The following SPTA1 variants were observed in gnomAD, a reference collection of about 807,000 sequenced individuals.
The protein encoded by SPTA1 is spectrin alpha, erythrocytic 1.
A neutral mutation model predicts 324.7 loss-of-function variants in SPTA1; 177 were observed. That is an observed-to-expected ratio of 0.55 (90% CI 0.48 to 0.62). SPTA1 has a LOEUF of 0.62. SPTA1 is among the 20% of genes least tolerant of loss of function. SPTA1 has a pLI of 0.00. For synonymous variants in SPTA1, 1,195 were observed against 1,041.3 expected (o/e 1.15, Z -2.84); for missense variants, 3,162 against 2,883.6 (o/e 1.10, Z -2.21).
chr1:158,634,139 A>G (rs1442346955), intron 39 of SPTA1, among the ~76,000 whole-genome samples: 1 of 152,206 alleles, frequency 6.6e-6, no homozygotes, highest in Non-Finnish European at 1.5e-5. Flanking sequence ...CTAAAATTAT[A>G]TTTTGTTGAA....
intron 37 of SPTA1, 142 bp downstream of exon 37, chr1:158,636,499 A>T (rs1651080823): frequency 8.2e-6 from 8 of 973,048 alleles, no homozygotes; most frequent in South Asian, 7.1e-5. Context: ...AAGAGAAAAG[A>T]ATATTTGTAA....
chr1:158,643,264 A>C, intron 31 of SPTA1, 58 bp downstream of exon 31: 1 of 1,594,342 alleles, frequency 6.3e-7, no homozygotes, highest in Middle Eastern at 1.7e-4. Flanking sequence ...CAATGCTAGC[A>C]AAAAGGTCAG....
rs148064417 is a variant in SPTA1 at position 158,654,733 on chromosome 1, G to C, written c.2914C>G (p.Pro972Ala). The C allele has an allele frequency of 1.2e-6, 2 of 1,613,742 alleles. No homozygotes were observed. The highest frequency in any genetic ancestry group is 1.3e-5 in the African/African-American group (1 of 74,996). ...ANACQQQQAA[P>A]VEGVAGEQRV... Reference sequence around the variant, plus strand: ...TGTTCTCCAGCAACTCCCTCCACTGGTGCAGCCTGTTGTTGCTGAATAAAA... The same window carrying C: ...TGTTCTCCAGCAACTCCCTCCACTGCTGCAGCCTGTTGTTGCTGAATAAAA... Residue 972 changes from proline to alanine, a missense_variant, in exon 21 of 52, where the codon CCA becomes GCA. Transcript: ENST00000643759.
In SPTA1 at chr1:158,638,021, G is replaced by T; in HGVS notation, c.5189+12C>A. 1 of 1,612,964 alleles carries T rather than the reference G, an allele frequency of 6.2e-7. No individual in the cohort carries two copies. On this transcript the variant is annotated intron_variant, in intron 36 of 51. Transcript: ENST00000643759. ...TGTATTATCCACACATTTTTGAGCT[G>T]GTGGCACATACTCTATCCAGGATTC... is the stretch of plus-strand genomic sequence containing the variant.
intron 2 of SPTA1, among the ~76,000 whole-genome samples, chr1:158,684,331 A>T (rs1305032458): frequency 1.3e-5 from 2 of 152,092 alleles, no homozygotes; most frequent in East Asian, 3.9e-4. Flanking sequence ...GTTAACTCTT[A>T]TATTTCTGAG....
chr1:158,674,223 A>G, intron 10 of SPTA1, 106 bp downstream of exon 10: 1 of 1,173,300 alleles, frequency 8.5e-7, no homozygotes, highest in East Asian at 2.3e-5. Context: ...AACACGTTTA[A>G]ATGACTTCTA....
intron 25 of SPTA1, 99 bp downstream of exon 25, chr1:158,649,757 C>A (rs1468946188): frequency 3.9e-6 from 4 of 1,021,142 alleles, no homozygotes; most frequent in Middle Eastern, 2.2e-4. Context: ...CTCCATCTCA[C>A]GAAAAAAGAT....
intron 1 of SPTA1, among the ~76,000 whole-genome samples, 171 bp from the exon 2 acceptor site, chr1:158,685,518 C>T (rs183022191): frequency 1.9e-4 from 29 of 152,228 alleles, no homozygotes; most frequent in Admixed American, 1.9e-3. Flanking sequence ...TTTAACCAGA[C>T]ATAGCTTCTG....
intron 50 of SPTA1, 108 bp from the exon 51 acceptor site, chr1:158,613,069 G>T: frequency 8.1e-7 from 1 of 1,240,292 alleles, no homozygotes; most frequent in Non-Finnish European, 1.1e-6. Context: ...GATTCTCCAA[G>T]TGCCTCTTCC....
chr1:158,618,114 A>C, intron 45 of SPTA1, 58 bp from the exon 46 acceptor site: 1 of 1,502,608 alleles, frequency 6.7e-7, no homozygotes, highest in Admixed American at 1.7e-5. Flanking sequence ...TGATATGTTA[A>C]AATGGATTAC....
At chr1:158,678,324 A>G (rs1654542376) in intron 6 of SPTA1, 77 bp downstream of exon 6, 1 of 1,588,358 alleles carries the variant, frequency 6.3e-7, no homozygotes, top group Admixed American at 1.7e-5. Context: ...TAACAGAAGT[A>G]GAAAGAGCCT....
At chr1:158,651,324 G>T in intron 24 of SPTA1, 43 bp downstream of exon 24, 1 of 1,377,072 alleles carries the variant, frequency 7.3e-7, no homozygotes, top group South Asian at 1.2e-5. Context: ...GACTCCCAAA[G>T]CCCAACCTGG....
In SPTA1 at chr1:158,653,407, C is replaced by T. The variant is rs1403338176; in HGVS notation, c.3055G>A (p.Ala1019Thr). The T allele has an allele frequency of 1.9e-6, 3 of 1,613,968 alleles. No individual in the cohort carries two copies. Among genetic ancestry groups the T allele is most frequent in the Middle Eastern group, 1.6e-4 (1 of 6,076 alleles). Residue 1019 changes from alanine to threonine, a missense_variant, in exon 22 of 52, where the codon GCT (alanine) becomes ACT (threonine). Coordinates refer to ENST00000643759, the MANE Select transcript of SPTA1 (RefSeq NM_003126.4). ...SINKDWWKVEAADHQGIVPAV... is the reference protein window; with the variant it reads ...SINKDWWKVETADHQGIVPAV... ...GGGACAATGCCCTGATGATCAGCAG[C>T]TTCCACCTTCCACCAGTCCTGAAGG... is the stretch of plus-strand genomic sequence containing the variant.
intron 43 of SPTA1, chr1:158,622,668 A>G: frequency 9.0e-6 from 3 of 331,540 alleles, no homozygotes; most frequent in Non-Finnish European, 1.7e-5. Flanking sequence ...GTACAGGGAC[A>G]ACCTTGACTT....
intron 10 of SPTA1, among the ~76,000 whole-genome samples, chr1:158,674,113 ATT>A (rs989797527): frequency 6.6e-6 from 1 of 152,134 alleles, no homozygotes; most frequent in African/African-American, 2.4e-5. Flanking sequence ...GCATCTGCAG[ATT>A]TTGGCACCTG....
rs761794691 is a variant in SPTA1, at chr1:158,674,201, A to T, written c.1350+128T>A. ...TGAAAGGAAGCAGTGTAAAAGTTTGATTCATATTATTAACACGTTTAAATG... is the reference window on the plus strand; with the variant it reads ...TGAAAGGAAGCAGTGTAAAAGTTTGTTTCATATTATTAACACGTTTAAATG... On this transcript the variant is annotated intron_variant, in intron 10 of 51. Transcript: ENST00000643759. 4.9e-5 allele frequency: 49 copies of T among 1,000,718 alleles called. 1 individual carries two copies. Among genetic ancestry groups the T allele is most frequent in the Non-Finnish European group, 6.9e-5 (44 of 641,350 alleles). The allele number at this position is 1,000,718 out of a possible 1,614,324, so 62.0% of individuals were successfully genotyped here. A position where few individuals can be genotyped will look rare whatever the true frequency, so the allele number is the denominator to read the frequency against.
chr1:158,645,242 C>G lies in SPTA1; in HGVS notation c.4140G>C (p.Leu1380Phe), dbSNP rs1444515159. Reference protein sequence around the residue: ...LQAVKLERDDLEKAWEKRKKI... With the variant: ...LQAVKLERDDFEKAWEKRKKI... ...TCTTGCGTTTTTCCCAAGCCTTCTC[C>G]AAATCATCTCTCTCTAGCTTGACAG... The change falls in exon 29 of 52, where the codon TTG becomes TTC. Residue 1380 changes from leucine (L) to phenylalanine (F), a missense_variant. Transcript: ENST00000643759. 5.0e-6 allele frequency: 8 copies of G among 1,613,880 alleles called. No homozygotes were observed. In the African/African-American group the frequency reaches 1.1e-4, roughly 22 times the overall value.
At position 158,642,440 on chromosome 1, in the gene SPTA1, C is replaced by T. The variant is rs778626016; in HGVS notation, c.4708G>A (p.Ala1570Thr). ...NLGNSLIECSACDGNEEAMKE... is the reference protein window; with the variant it reads ...NLGNSLIECSTCDGNEEAMKE... ...ATGGCCTCTTCATTGCCATCACAAGCGCTACACTCAATCAGGGAGTTCCCC... is the reference window on the plus strand; with the variant it reads ...ATGGCCTCTTCATTGCCATCACAAGTGCTACACTCAATCAGGGAGTTCCCC... The change falls in exon 33 of 52, where the codon GCT (alanine) becomes ACT (threonine). Residue 1570 changes from alanine to threonine, a missense_variant. By Grantham distance (58) the Ala-to-Thr change is moderately conservative. Coordinates refer to ENST00000643759, the MANE Select transcript of SPTA1 (RefSeq NM_003126.4). 5.3e-5 allele frequency: 85 copies of T among 1,613,450 alleles called. No individual in the cohort carries two copies. The highest frequency in any genetic ancestry group is 1.6e-4 in the Middle Eastern group (1 of 6,076).
intron 38 of SPTA1, 96 bp from the exon 39 acceptor site, chr1:158,634,771 T>C: frequency 6.9e-7 from 1 of 1,459,244 alleles, no homozygotes; most frequent in Non-Finnish European, 9.5e-7. Flanking sequence ...GCAGACCAGC[T>C]TATTCTCACA....
Sources: gnomAD v4.1 joint callset for allele counts (sites outside exome capture counted in the v4.1 genomes callset) on GRCh38, gnomAD v4.1.1 for gene constraint, MANE v1.5 for transcripts, NCBI Gene and HGNC (gene_info 2026-07-23, HGNC 2026-07-21) for gene names.